GPC5: variants seen among roughly 807,000 people sequenced by gnomAD.
The protein encoded by GPC5 is glypican-5.
GPC5 carries 47 observed loss-of-function variants against 53.9 expected under a neutral mutation model. That is an observed-to-expected ratio of 0.87 (90% CI 0.69 to 1.11). The LOEUF is 1.11. Ranked by LOEUF, GPC5 falls within the 50% of genes most tolerant of loss-of-function variation. The probability of loss-of-function intolerance (pLI) is 0.00; values close to 1 mark genes in which losing one functional copy is unlikely to be tolerated. For synonymous variants in GPC5, 286 were observed against 263.3 expected, an observed-to-expected ratio of 1.09 and a Z score of -0.84; for missense variants, 748 against 713.1, an observed-to-expected ratio of 1.05 and a Z score of -0.56.
chr13:91,719,267 C>G (rs113906726), intron 3 of GPC5, among the ~76,000 whole-genome samples: 5,781 of 152,290 alleles, frequency 0.038, 366 homozygotes, highest in African/African-American at 0.13. Flanking sequence ...AAGTCTTGGC[C>G]TGCCTCCACA....
chr13:92,504,635 G>A (rs116580781), intron 7 of GPC5, among the ~76,000 whole-genome samples: 18 of 151,932 alleles, frequency 1.2e-4, no homozygotes, highest in African/African-American at 3.6e-4. Context: ...GCTAAGGGCC[G>A]GACACAGAGA....
chr13:92,288,041 T>A (rs1354271726), intron 7 of GPC5, among the ~76,000 whole-genome samples: 3 of 152,098 alleles, frequency 2.0e-5, no homozygotes, highest in Admixed American at 6.6e-5. Flanking sequence ...CTCCAGGAAT[T>A]TTTTTATCTA....
intron 7 of GPC5, among the ~76,000 whole-genome samples, chr13:92,191,034 C>G (rs1050473095): frequency 1.3e-5 from 2 of 151,898 alleles, no homozygotes; most frequent in African/African-American, 4.8e-5. Flanking sequence ...AAAGATATAC[C>G]ATGAACATAA....
chr13:91,463,043 A>C (rs1376961369), intron 2 of GPC5, among the ~76,000 whole-genome samples: 3 of 152,100 alleles, frequency 2.0e-5, no homozygotes, highest in Non-Finnish European at 4.4e-5. Context: ...GGTTATATAC[A>C]GTCACCTTTG....
At chr13:91,688,007 G>C (rs1453640623) in intron 2 of GPC5, among the ~76,000 whole-genome samples, 5 of 151,988 alleles carry the variant, frequency 3.3e-5, no homozygotes, top group Admixed American at 1.3e-4. Context: ...CGTTTTTGGA[G>C]AACAGCACAT....
chr13:91,755,596 CTTG>C (rs1376938370), intron 4 of GPC5, among the ~76,000 whole-genome samples: 3 of 151,940 alleles, frequency 2.0e-5, no homozygotes, highest in Non-Finnish European at 4.4e-5. Flanking sequence ...AAAAAACCTG[CTTG>C]TTGTTGAATT....
chr13:92,456,208 A>G (rs1186229584), intron 7 of GPC5, among the ~76,000 whole-genome samples: 1 of 152,160 alleles, frequency 6.6e-6, no homozygotes, highest in African/African-American at 2.4e-5. Flanking sequence ...TTTCTGCTGT[A>G]TAATTTAGAT....
intron 6 of GPC5, among the ~76,000 whole-genome samples, chr13:92,056,607 C>A (rs902450048): frequency 1.3e-5 from 2 of 152,066 alleles, no homozygotes; most frequent in Non-Finnish European, 2.9e-5. Context: ...TCTTCAATGT[C>A]TTTTTTCTGT....
intron 6 of GPC5, among the ~76,000 whole-genome samples, chr13:91,961,957 T>G (rs1054406042): frequency 1.3e-5 from 2 of 152,120 alleles, no homozygotes; most frequent in African/African-American, 4.8e-5. Flanking sequence ...AATCTGTAAC[T>G]TTTTCTATAT....
intron 7 of GPC5, among the ~76,000 whole-genome samples, chr13:92,488,611 G>T (rs1322657689): frequency 6.6e-6 from 1 of 152,122 alleles, no homozygotes; most frequent in Non-Finnish European, 1.5e-5. Context: ...TTTGTTGTTT[G>T]CTAATAGTCC....
rs148006189 is a variant in GPC5 at position 92,005,488 on chromosome 13, G to A, written c.1401+97431G>A. 5.4e-3 allele frequency among the ~76,000 whole-genome samples: 822 copies of A among 152,210 alleles called. 7 individuals are homozygous for A. Among genetic ancestry groups the A allele is most frequent in the African/African-American group, 0.019 (796 of 41,532 alleles). On this transcript the variant is annotated intron_variant, in intron 6 of 7. Transcript: ENST00000377067. ...ATTTTTAGTGATGTCTTACACAGAC[G>A]TCATAGAAGGGACTATTATCCCTTC...
intron 7 of GPC5, among the ~76,000 whole-genome samples, chr13:92,651,795 CTA>C (rs1325007276): frequency 2.6e-5 from 4 of 151,742 alleles, no homozygotes; most frequent in African/African-American, 9.7e-5. Flanking sequence ...AAATCTAAAA[CTA>C]TTTTAAAATT....
chr13:91,633,782 A>G (rs1002398661), intron 2 of GPC5, among the ~76,000 whole-genome samples: 1 of 152,178 alleles, frequency 6.6e-6, no homozygotes. Context: ...ACCATGAGGA[A>G]TGAAATCTAC....
At chr13:92,268,396 T>C (rs1926611) in intron 7 of GPC5, among the ~76,000 whole-genome samples, 52,341 of 151,662 alleles carry the variant, frequency 0.35, 9,684 homozygotes, top group African/African-American at 0.48. Flanking sequence ...GGCACAGATA[T>C]ATAACAAAAT....
At chr13:92,487,857 A>G (rs1027013873) in intron 7 of GPC5, among the ~76,000 whole-genome samples, 15 of 150,554 alleles carry the variant, frequency 1.0e-4, no homozygotes, top group South Asian at 2.1e-4. Context: ...AAAAAAAAAA[A>G]AAAGAAAGTA....
intron 7 of GPC5, among the ~76,000 whole-genome samples, chr13:92,813,960 G>T (rs938173491): frequency 1.3e-5 from 2 of 151,896 alleles, no homozygotes; most frequent in African/African-American, 4.9e-5. Context: ...TAATTCGCTT[G>T]GAGAAGTTAC....
Position 91,490,250 on chromosome 13 carries a change from A to G in GPC5, c.325+41328A>G, listed in dbSNP as rs191027144. 1.7e-3 allele frequency among the ~76,000 whole-genome samples: 256 copies of G among 152,294 alleles called. 2 individuals carry two copies. Among genetic ancestry groups the G allele is most frequent in the Middle Eastern group, 3.4e-3 (1 of 294 alleles). On this transcript the variant is annotated intron_variant, in intron 2 of 7. Coordinates refer to ENST00000377067, the MANE Select transcript of GPC5 (RefSeq NM_004466.6). ...AATTAAATCGGTGAATTTGAGTGAGATACAGCAGGATGAGTCAGTAGGTAC... is the reference window on the plus strand; with the variant it reads ...AATTAAATCGGTGAATTTGAGTGAGGTACAGCAGGATGAGTCAGTAGGTAC...
chr13:91,566,408 C>CA (rs2031531768), intron 2 of GPC5, among the ~76,000 whole-genome samples: 1 of 151,952 alleles, frequency 6.6e-6, no homozygotes, highest in African/African-American at 2.4e-5. Flanking sequence ...TACTAAAATA[C>CA]AAAAAATTAG....
intron 6 of GPC5, among the ~76,000 whole-genome samples, chr13:91,931,482 A>G (rs1342116399): frequency 6.6e-6 from 1 of 152,038 alleles, no homozygotes; most frequent in Non-Finnish European, 1.5e-5. Flanking sequence ...ACAGAAGCCC[A>G]ACGTCAGACA....
Sources: gnomAD v4.1 joint callset for allele counts (sites outside exome capture counted in the v4.1 genomes callset) on GRCh38, gnomAD v4.1.1 for gene constraint, MANE v1.5 for transcripts, NCBI Gene and HGNC (gene_info 2026-07-23, HGNC 2026-07-21) for gene names.